Variants in RUNX1T1 observed in about 807,000 individuals in gnomAD.
The protein encoded by RUNX1T1 is protein CBFA2T1.
Under a neutral mutation model 62.8 loss-of-function variants are expected in RUNX1T1, and 4 were observed. The ratio of observed to expected loss-of-function variants is 0.06; its 90% confidence interval spans 0.03 to 0.15. The LOEUF (loss-of-function observed/expected upper bound fraction) is 0.15, where lower values mean the gene tolerates loss of function less well. Among genes scored for constraint, RUNX1T1 ranks in the 10% least tolerant of loss-of-function variants. The probability of loss-of-function intolerance (pLI) is 1.00; values close to 1 mark genes in which losing one functional copy is unlikely to be tolerated. For synonymous variants in RUNX1T1, 291 were observed against 286.0 expected (o/e 1.02, Z -0.18); for missense variants, 508 against 754.3 (o/e 0.67, Z 3.82).
intron 1 of RUNX1T1, chr8:92,099,524 A>T: frequency 1.6e-6 from 1 of 622,848 alleles, no homozygotes; most frequent in Non-Finnish European, 2.0e-6. Context: ...AAGAACCTTT[A>T]AATGCCCAAA....
In RUNX1T1 at chr8:92,082,107, G is replaced by A. The variant is rs1214246514; in HGVS notation, c.-85-5970C>T. The stretch of plus-strand genomic sequence containing the variant: ...TTGCCGTGTTAGCCAGGATGGTCTC[G>A]ATCTCCTGACCTCGTGATCCGCCCG... On this transcript the variant is annotated intron_variant, in intron 1 of 11. Coordinates refer to the RUNX1T1 transcript ENST00000265814. Among the ~76,000 whole-genome samples, 7 of 152,076 alleles carry A rather than the reference G, an allele frequency of 4.6e-5. No homozygotes were observed. In the South Asian group the frequency reaches 1.2e-3, roughly 27 times the overall value.
At chr8:92,050,227 C>T (rs1830026416) in intron 1 of RUNX1T1, among the ~76,000 whole-genome samples, 1 of 151,932 alleles carries the variant, frequency 6.6e-6, no homozygotes, top group African/African-American at 2.4e-5. Flanking sequence ...TAGATTTTGC[C>T]ATATAATTCC....
At chr8:92,007,214 C>T (rs1382947482) in intron 4 of RUNX1T1, among the ~76,000 whole-genome samples, 1 of 152,148 alleles carries the variant, frequency 6.6e-6, no homozygotes, top group East Asian at 1.9e-4. Flanking sequence ...GCCTGTAATC[C>T]CAGCACTTCC....
At chr8:92,095,490 C>A (rs1038646572) in intron 1 of RUNX1T1, 1 of 1,525,506 alleles carries the variant, frequency 6.6e-7, no homozygotes, top group African/African-American at 1.4e-5. Flanking sequence ...AGTGTGTGAG[C>A]GCAGGAGGGA....
At chr8:92,058,827 T>C (rs1831449521) in intron 1 of RUNX1T1, among the ~76,000 whole-genome samples, 2 of 152,206 alleles carry the variant, frequency 1.3e-5, no homozygotes, top group South Asian at 4.1e-4. Context: ...CTATATAATG[T>C]CTACTAAGCA....
upstream of RUNX1T1, among the ~76,000 whole-genome samples, chr8:92,066,894 T>C (rs1832958158): frequency 6.6e-6 from 1 of 152,218 alleles, no homozygotes; most frequent in African/African-American, 2.4e-5. Flanking sequence ...TTATCTGTCA[T>C]TTTAGCTCCC....
chr8:92,049,387 G>T (rs759971829), intron 1 of RUNX1T1, among the ~76,000 whole-genome samples: 1 of 152,086 alleles, frequency 6.6e-6, no homozygotes, highest in Non-Finnish European at 1.5e-5. Flanking sequence ...ATCTTCTGTG[G>T]CCTTTTTCTG....
intron 1 of RUNX1T1, among the ~76,000 whole-genome samples, chr8:92,037,664 G>T (rs1284586823): frequency 6.6e-6 from 1 of 151,936 alleles, no homozygotes; most frequent in Non-Finnish European, 1.5e-5. Flanking sequence ...GGGTGACAGA[G>T]GGAATCCATC....
rs77612399 is a variant in RUNX1T1 at position 92,078,612 on chromosome 8, C to T, written c.-85-2475G>A. On this transcript the variant is annotated intron_variant, in intron 1 of 11. Transcript: ENST00000265814. The stretch of plus-strand genomic sequence containing the variant: ...GGAAATTGTGGAAAACATACATTCC[C>T]AAACAAATATTACTTTTTCTCAATG... Among the ~76,000 whole-genome samples, 389 of 152,132 alleles carry T rather than the reference C, an allele frequency of 2.6e-3. 3 individuals carry two copies. The highest frequency in any genetic ancestry group is 0.024 in the East Asian group (125 of 5,178).
At chr8:91,996,624 A>C (rs7830403) in intron 5 of RUNX1T1, among the ~76,000 whole-genome samples, 1 of 151,972 alleles carries the variant, frequency 6.6e-6, no homozygotes, top group African/African-American at 2.4e-5. Context: ...TTAATGTTCT[A>C]AGCTCAGGGG....
intron 1 of RUNX1T1, among the ~76,000 whole-genome samples, chr8:92,093,840 T>A (rs2130923302): frequency 6.6e-6 from 1 of 152,344 alleles, no homozygotes; most frequent in Admixed American, 6.5e-5. Flanking sequence ...ATGCAAGATC[T>A]ATGGCTAGCA....
Position 92,050,211 on chromosome 8 carries a change from T to C in RUNX1T1, c.7+12335A>G, listed in dbSNP as rs1043570177. Among the ~76,000 whole-genome samples the C allele has an allele frequency of 2.0e-5, 3 of 152,230 alleles. No homozygotes were observed. The East Asian group carries it at 5.8e-4, about 29-fold the overall frequency. ...GGGAGGAAAATCTAGGTTGTTTCAC[T>C]GGGCATAGATTTTGCCATATAATTC... On this transcript the variant is annotated intron_variant, in intron 1 of 10. Coordinates refer to ENST00000396218, the Ensembl canonical transcript of RUNX1T1.
intron 2 of RUNX1T1, 42 bp from the exon 4 acceptor site, chr8:92,014,862 G>A (rs1259304053): frequency 2.6e-6 from 4 of 1,559,592 alleles, no homozygotes; most frequent in Non-Finnish European, 3.5e-6. Flanking sequence ...TAAACTTACA[G>A]AGAACATGCA....
chr8:92,062,193 C>A (rs1416864593), intron 1 of RUNX1T1, among the ~76,000 whole-genome samples: 1 of 152,118 alleles, frequency 6.6e-6, no homozygotes, highest in Non-Finnish European at 1.5e-5. Flanking sequence ...TCCAGGACAC[C>A]AAGTACAGAT....
rs182216272 is a variant in RUNX1T1, at chr8:92,078,662, T to C, written c.-85-2525A>G. 2.5e-3 allele frequency among the ~76,000 whole-genome samples: 386 copies of C among 152,310 alleles called. 2 individuals are homozygous for C. The highest frequency in any genetic ancestry group is 8.7e-3 in the African/African-American group (362 of 41,572). Reference sequence around the variant, plus strand: ...GGTATGAAGTAATGAAAACCACATGTGCAAATCTGCGATCCGTGCAGTAGT... The same window carrying C: ...GGTATGAAGTAATGAAAACCACATGCGCAAATCTGCGATCCGTGCAGTAGT... On this transcript the variant is annotated intron_variant, in intron 1 of 11. Coordinates refer to the RUNX1T1 transcript ENST00000265814.
exon 11 of RUNX1T1, chr8:91,959,065 G>C: frequency 4.7e-6 from 1 of 213,548 alleles, no homozygotes; most frequent in Non-Finnish European, 9.5e-6. Context: ...CTAAATGTGG[G>C]CATATGGTTA....
chr8:92,072,460 A>G (rs1833829967), intron 2 of RUNX1T1, among the ~76,000 whole-genome samples: 3 of 152,190 alleles, frequency 2.0e-5, no homozygotes, highest in Admixed American at 6.5e-5. Context: ...TAATTAAACA[A>G]TGATTAGAAT....
chr8:92,078,025 G>A (rs1834691504), intron 1 of RUNX1T1, among the ~76,000 whole-genome samples: 1 of 151,980 alleles, frequency 6.6e-6, no homozygotes, highest in African/African-American at 2.4e-5. Flanking sequence ...AAATTGGCAG[G>A]AACATGGTGA....
intron 9 of RUNX1T1, among the ~76,000 whole-genome samples, chr8:91,973,687 G>A (rs965366664): frequency 1.3e-5 from 2 of 152,024 alleles, no homozygotes; most frequent in Non-Finnish European, 2.9e-5. Flanking sequence ...CAAGCTGAGT[G>A]CAGATGTCAC....
Sources: gnomAD v4.1 joint callset for allele counts (sites outside exome capture counted in the v4.1 genomes callset) on GRCh38, gnomAD v4.1.1 for gene constraint, MANE v1.5 for transcripts, NCBI Gene and HGNC (gene_info 2026-07-23, HGNC 2026-07-21) for gene names.